The following PRKCA variants were observed in gnomAD, a reference collection of about 807,000 sequenced individuals.
PRKCA encodes the protein protein kinase C alpha type.
A neutral mutation model predicts 87.0 loss-of-function variants in PRKCA; 27 were observed. That is an observed-to-expected ratio of 0.31 (90% confidence interval 0.23 to 0.43). PRKCA has a LOEUF of 0.43. Ranked by LOEUF, PRKCA falls within the 20% of genes least tolerant of loss-of-function variation. The pLI, the probability that PRKCA is intolerant of heterozygous loss-of-function variation, is 1.00. For synonymous variants in PRKCA, 329 were observed against 311.1 expected (o/e 1.06, Z -0.61); for missense variants, 518 against 852.3 (o/e 0.61, Z 4.88).
At chr17:66,747,698 G>A (rs1974326284) in intron 13 of PRKCA, among the ~76,000 whole-genome samples, 2 of 152,232 alleles carry the variant, frequency 1.3e-5, no homozygotes, top group Non-Finnish European at 2.9e-5. Flanking sequence ...TTTGGGCCAC[G>A]TTTTCTTGGC....
intron 3 of PRKCA, among the ~76,000 whole-genome samples, chr17:66,506,683 G>A (rs1359871848): frequency 6.6e-6 from 1 of 152,156 alleles, no homozygotes; most frequent in Non-Finnish European, 1.5e-5. Context: ...GGGTGTGGGG[G>A]AACACACCTG....
In PRKCA at chr17:66,736,140, C is replaced by A. The variant is rs546441071; in HGVS notation, c.1230+478C>A. On this transcript the variant is annotated intron_variant, in intron 10 of 16. Transcript: ENST00000413366. ...CAAACGATCCCCCTACGTTGGCCTC[C>A]TAAAGTGCTGGGACTACAGGTGTGA... 8.6e-5 allele frequency among the ~76,000 whole-genome samples: 13 copies of A among 151,904 alleles called. No homozygotes were observed. The East Asian group carries it at 2.2e-3, about 25-fold the overall frequency.
intron 2 of PRKCA, among the ~76,000 whole-genome samples, chr17:66,450,930 T>G (rs1914279531): frequency 6.6e-6 from 1 of 152,256 alleles, no homozygotes; most frequent in Non-Finnish European, 1.5e-5. Context: ...GGTTTACTGC[T>G]GAGTGAAGTT....
At chr17:66,627,555 G>A (rs962159418) in intron 3 of PRKCA, among the ~76,000 whole-genome samples, 23 of 152,196 alleles carry the variant, frequency 1.5e-4, no homozygotes, top group African/African-American at 4.6e-4. Context: ...ACGTGGAAGG[G>A]CAGGTGCTAA....
At chr17:66,454,240 G>C (rs997098419) in intron 2 of PRKCA, among the ~76,000 whole-genome samples, 10 of 152,186 alleles carry the variant, frequency 6.6e-5, no homozygotes, top group Non-Finnish European at 1.3e-4. Context: ...GGACTCCCTG[G>C]TCAGTGTGCT....
intron 2 of PRKCA, among the ~76,000 whole-genome samples, chr17:66,392,920 G>T (rs976848273): frequency 1.3e-5 from 2 of 152,096 alleles, no homozygotes; most frequent in African/African-American, 4.8e-5. Flanking sequence ...GAGAGTGTTC[G>T]CTTTCCAACA....
chr17:66,739,848 G>A (rs561467572), intron 11 of PRKCA, among the ~76,000 whole-genome samples: 1 of 151,950 alleles, frequency 6.6e-6, no homozygotes, highest in Non-Finnish European at 1.5e-5. Flanking sequence ...AAGAGGGAAG[G>A]CACTGCAGTG....
intron 3 of PRKCA, among the ~76,000 whole-genome samples, chr17:66,529,962 C>T (rs78786064): frequency 0.035 from 5,374 of 152,242 alleles, 128 homozygotes; most frequent in Non-Finnish European, 0.051. Context: ...CCCAGATCTG[C>T]GACATGCAAT....
intron 2 of PRKCA, among the ~76,000 whole-genome samples, chr17:66,331,115 G>A (rs1906297178): frequency 6.6e-6 from 1 of 152,130 alleles, no homozygotes; most frequent in African/African-American, 2.4e-5. Flanking sequence ...GAATAATTTG[G>A]AATCTTATCT....
intron 8 of PRKCA, among the ~76,000 whole-genome samples, chr17:66,713,396 G>A (rs1314331096): frequency 3.3e-5 from 5 of 152,018 alleles, no homozygotes; most frequent in Admixed American, 6.5e-5. Flanking sequence ...GGGAGACCCC[G>A]GTTGTACATT....
intron 8 of PRKCA, among the ~76,000 whole-genome samples, chr17:66,704,886 T>G (rs1485607907): frequency 6.6e-6 from 1 of 152,240 alleles, no homozygotes; most frequent in Non-Finnish European, 1.5e-5. Context: ...GAATTAGATT[T>G]TCCCAAAGCC....
rs550370046 is a variant in PRKCA at position 66,748,658 on chromosome 17, C to T, written c.1524+5898C>T. 3.9e-5 allele frequency among the ~76,000 whole-genome samples: 6 copies of T among 152,146 alleles called. No individual in the cohort carries two copies. The East Asian group carries it at 5.8e-4, about 15-fold the overall frequency. Reference sequence around the variant, plus strand: ...GGTAATGATGCCGGGATGGGGTGAGCGTGAGCATCAGCAGCGCAGCAGGAG... The same window carrying T: ...GGTAATGATGCCGGGATGGGGTGAGTGTGAGCATCAGCAGCGCAGCAGGAG... On this transcript the variant is annotated intron_variant, in intron 13 of 16. Transcript: ENST00000413366.
chr17:66,554,618 T>C (rs1244126545), intron 3 of PRKCA: 1 of 828,488 alleles, frequency 1.2e-6, no homozygotes, highest in African/African-American at 1.9e-5. Context: ...GGACTTTTTT[T>C]TGGTGGGGGG....
chr17:66,479,216 A>T (rs955417984), intron 2 of PRKCA, among the ~76,000 whole-genome samples: 2 of 152,242 alleles, frequency 1.3e-5, no homozygotes, highest in Admixed American at 6.5e-5. Flanking sequence ...ATGAAAAGAC[A>T]CTTTTCAAAA....
intron 2 of PRKCA, among the ~76,000 whole-genome samples, chr17:66,485,017 AAG>A (rs1001890729): frequency 4.5e-4 from 66 of 146,196 alleles, no homozygotes; most frequent in African/African-American, 1.6e-3. Flanking sequence ...TGGGGTTGGG[AAG>A]AGAGAGGATG....
intron 3 of PRKCA, among the ~76,000 whole-genome samples, chr17:66,534,199 T>C (rs1216926446): frequency 6.6e-6 from 1 of 152,064 alleles, no homozygotes; most frequent in Non-Finnish European, 1.5e-5. Flanking sequence ...TCCCCTCGGG[T>C]AGGAACTGGG....
chr17:66,548,875 C>T (rs1174917235), intron 3 of PRKCA, among the ~76,000 whole-genome samples: 1 of 151,874 alleles, frequency 6.6e-6, no homozygotes, highest in Non-Finnish European at 1.5e-5. Context: ...GCAATCACAG[C>T]TCAGTCACTG....
At chr17:66,331,554 G>A (rs1598596309) in intron 2 of PRKCA, among the ~76,000 whole-genome samples, 1 of 152,134 alleles carries the variant, frequency 6.6e-6, no homozygotes, top group Non-Finnish European at 1.5e-5. Context: ...CCTCTGCACA[G>A]ACTTGTAGGA....
At chr17:66,550,994 G>A (rs906434405) in intron 3 of PRKCA, among the ~76,000 whole-genome samples, 1 of 151,986 alleles carries the variant, frequency 6.6e-6, no homozygotes, top group Non-Finnish European at 1.5e-5. Context: ...ATTTTGTGTT[G>A]GTATATAGTA....
Sources: gnomAD v4.1 joint callset for allele counts (sites outside exome capture counted in the v4.1 genomes callset) on GRCh38, gnomAD v4.1.1 for gene constraint, MANE v1.5 for transcripts, NCBI Gene and HGNC (gene_info 2026-07-23, HGNC 2026-07-21) for gene names.